Variants in PACRGL observed in about 807,000 individuals in gnomAD.
The protein encoded by PACRGL is PACRG-like protein.
In PACRGL, 38 loss-of-function variants were observed where a neutral mutation model predicts 34.5. The ratio of observed to expected loss-of-function variants is 1.10; its 90% confidence interval spans 0.85 to 1.44. The LOEUF (loss-of-function observed/expected upper bound fraction) is 1.44, where lower values mean the gene tolerates loss of function less well. Among genes scored for constraint, PACRGL ranks in the 40% most tolerant of loss-of-function variants. The probability of loss-of-function intolerance (pLI) is 0.00; values close to 1 mark genes in which losing one functional copy is unlikely to be tolerated. For missense variants in PACRGL, 305 were observed against 281.4 expected (o/e 1.08, Z -0.60); for synonymous variants, 128 against 100.1 (o/e 1.28, Z -1.66).
upstream of PACRGL, among the ~76,000 whole-genome samples, chr4:20,697,651 A>G (rs1402684823): frequency 5.9e-5 from 9 of 152,222 alleles, no homozygotes; most frequent in Admixed American, 5.9e-4. Flanking sequence ...GGGCTGCTAT[A>G]GTGAAATACC....
At chr4:20,716,704 G>T (rs1740205883) in intron 7 of PACRGL, among the ~76,000 whole-genome samples, 1 of 152,140 alleles carries the variant, frequency 6.6e-6, no homozygotes, top group Non-Finnish European at 1.5e-5. Context: ...TGGTGTATAT[G>T]TGCCACATTT....
At chr4:20,755,268 T>C (rs766084201), downstream of PACRGL, among the ~76,000 whole-genome samples, 1 of 152,196 alleles carries the variant, frequency 6.6e-6, no homozygotes, top group Non-Finnish European at 1.5e-5. Context: ...TGTTTTGACA[T>C]GTTAGGCACA....
intron 8 of PACRGL, among the ~76,000 whole-genome samples, chr4:20,745,934 G>A (rs191261844): frequency 7.2e-5 from 11 of 152,258 alleles, no homozygotes; most frequent in Admixed American, 2.0e-4. Context: ...CCCCCAACTA[G>A]TGTAAATTAG....
At chr4:20,739,885 A>G (rs1750635005) in intron 8 of PACRGL, among the ~76,000 whole-genome samples, 2 of 152,214 alleles carry the variant, frequency 1.3e-5, no homozygotes, top group African/African-American at 4.8e-5. Flanking sequence ...TAAACAGCGT[A>G]GAGAAGACCT....
intron 8 of PACRGL, among the ~76,000 whole-genome samples, chr4:20,742,179 C>T (rs571047851): frequency 8.5e-5 from 13 of 152,240 alleles, no homozygotes; most frequent in African/African-American, 2.4e-4. Context: ...GAAAATATTC[C>T]AATCAACAGA....
intron 7 of PACRGL, among the ~76,000 whole-genome samples, chr4:20,722,960 C>T (rs985112921): frequency 6.6e-6 from 1 of 152,052 alleles, no homozygotes; most frequent in Admixed American, 6.5e-5. Context: ...ATGAGAGATC[C>T]TAGAACTGTA....
downstream of PACRGL, among the ~76,000 whole-genome samples, chr4:20,757,496 C>G (rs1259972618): frequency 3.3e-5 from 5 of 152,140 alleles, no homozygotes; most frequent in Non-Finnish European, 5.9e-5. Context: ...GCATCCTTGA[C>G]TCTCTAGGAC....
chr4:20,708,699 G>A (rs1430534343), intron 4 of PACRGL, among the ~76,000 whole-genome samples: 3 of 151,970 alleles, frequency 2.0e-5, no homozygotes, highest in Admixed American at 1.3e-4. Flanking sequence ...GAGTCAAGAA[G>A]TCAAGAACAT....
Position 20,730,164 on chromosome 4 carries a change from C to CATATCTGCAAGGAAAAGTACACTA in PACRGL, c.*2824_*2847dup. 5 of 1,584,612 alleles carry CATATCTGCAAGGAAAAGTACACTA rather than the reference C, an allele frequency of 3.2e-6. No individual in the cohort carries two copies. Among genetic ancestry groups the CATATCTGCAAGGAAAAGTACACTA allele is most frequent in the Non-Finnish European group, 4.3e-6 (5 of 1,166,796 alleles). On this transcript the variant is annotated 3_prime_UTR_variant, in exon 9 of 9. Transcript: ENST00000503585. ...AGAAACACAGAGCGATTAAATTCAG[C>CATATCTGCAAGGAAAAGTACACTA]ATATCTGCAAGGAAAAGTACACTAT...
the PACRGL span, among the ~76,000 whole-genome samples, chr4:20,764,819 A>G: frequency 4.9e-4 from 74 of 152,288 alleles, no homozygotes; most frequent in African/African-American, 1.8e-3. Context: ...GGCATAAAGC[A>G]ATTTGCCTGT....
chr4:20,759,161 CAT>C, the PACRGL span, among the ~76,000 whole-genome samples: 21 of 152,184 alleles, frequency 1.4e-4, no homozygotes, highest in South Asian at 6.2e-4. Context: ...TTTAAGAACA[CAT>C]ATGTTTATTA....
At chr4:20,698,461 G>T (rs974721486), upstream of PACRGL, among the ~76,000 whole-genome samples, 2 of 152,066 alleles carry the variant, frequency 1.3e-5, no homozygotes, top group Non-Finnish European at 2.9e-5. Context: ...TATGCTGATG[G>T]CTCAAAAATC....
chr4:20,704,891 T>C (rs1733849231), intron 3 of PACRGL, 77 bp downstream of exon 3: 2 of 1,488,208 alleles, frequency 1.3e-6, no homozygotes, highest in African/African-American at 1.4e-5. Flanking sequence ...CTGGATGCTG[T>C]GTTGAGTTTT....
Position 20,731,832 on chromosome 4 carries a change from A to C in PACRGL, c.*4491A>C. ...GACTCAGTGGGCACTCTAAATGTTGATTATGTAATTGGTGCTTGTTTTCAG... is the reference window on the plus strand; with the variant it reads ...GACTCAGTGGGCACTCTAAATGTTGCTTATGTAATTGGTGCTTGTTTTCAG... On this transcript the variant is annotated 3_prime_UTR_variant, in exon 9 of 9. Transcript: ENST00000503585. 3.0e-6 allele frequency: 3 copies of C among 985,316 alleles called. No homozygotes were observed. Among genetic ancestry groups the C allele is most frequent in the Non-Finnish European group, 3.6e-6 (3 of 829,896 alleles). 61.0% of individuals were successfully genotyped at this position (985,316 alleles called of 1,614,324 possible). A position where few individuals can be genotyped will look rare whatever the true frequency, so the allele number is the denominator to read the frequency against.
intron 8 of PACRGL, among the ~76,000 whole-genome samples, chr4:20,725,156 G>T (rs1461726853): frequency 6.6e-6 from 1 of 152,112 alleles, no homozygotes; most frequent in Non-Finnish European, 1.5e-5. Flanking sequence ...TCAGTGTGGC[G>T]CAGTGGTACA....
intron 5 of PACRGL, among the ~76,000 whole-genome samples, chr4:20,711,126 A>C (rs1433185153): frequency 6.6e-6 from 1 of 152,148 alleles, no homozygotes; most frequent in Non-Finnish European, 1.5e-5. Context: ...CTTATTTTTT[A>C]AACCTTAAGC....
intron 8 of PACRGL, among the ~76,000 whole-genome samples, chr4:20,725,389 A>G (rs1017912992): frequency 4.1e-4 from 62 of 152,230 alleles, no homozygotes; most frequent in African/African-American, 1.5e-3. Flanking sequence ...ACACATATGC[A>G]CACACAGTGC....
rs955176864 is a variant in PACRGL, at chr4:20,731,244, T to G, written c.*3903T>G. ...GCCACCGTGCCCAGCTAACTTAATT[T>G]TTTTTTGTAGAGATAGATAGGGTCT... On this transcript the variant is annotated 3_prime_UTR_variant, in exon 9 of 9. Coordinates refer to ENST00000503585, the MANE Select transcript of PACRGL (RefSeq NM_001258345.3). The G allele has an allele frequency of 6.3e-5, 19 of 299,580 alleles. No individual in the cohort carries two copies. Among genetic ancestry groups the G allele is most frequent in the African/African-American group, 4.1e-4 (18 of 44,148 alleles). The allele number at this position is 299,580 out of a possible 1,614,324, so 18.6% of individuals were successfully genotyped here.
chr4:20,748,587 TA>T (rs1413258074), intron 8 of PACRGL, among the ~76,000 whole-genome samples: 1 of 87,024 alleles, frequency 1.1e-5, no homozygotes, highest in Non-Finnish European at 2.7e-5. Flanking sequence ...TATATATATA[TA>T]TATATATATA....
Sources: gnomAD v4.1 joint callset for allele counts (sites outside exome capture counted in the v4.1 genomes callset) on GRCh38, gnomAD v4.1.1 for gene constraint, MANE v1.5 for transcripts, NCBI Gene and HGNC (gene_info 2026-07-23, HGNC 2026-07-21) for gene names.